The following PACRG variants were observed in gnomAD, a reference collection of about 807,000 sequenced individuals.
PACRG encodes parkin coregulated gene protein.
In PACRG, 29 loss-of-function variants were observed where a neutral mutation model predicts 29.7. The ratio of observed to expected loss-of-function variants is 0.98; its 90% CI spans 0.73 to 1.33. PACRG has a LOEUF of 1.33. Among genes scored for constraint, PACRG ranks in the 40% most tolerant of loss-of-function variants. The pLI is 0.00. For synonymous variants in PACRG, 116 were observed against 118.7 expected, an observed-to-expected ratio of 0.98 and a Z score of 0.15; for missense variants, 279 against 316.2, an observed-to-expected ratio of 0.88 and a Z score of 0.89.
chr6:163,111,867 T>C (rs1194503781), intron 4 of PACRG, among the ~76,000 whole-genome samples: 6 of 152,228 alleles, frequency 3.9e-5, no homozygotes, highest in Admixed American at 2.6e-4. Context: ...TCCTGGCACA[T>C]ATTGTGTAAA....
Position 162,907,102 on chromosome 6 carries a change from G to A in PACRG, c.291+92821G>A, listed in dbSNP as rs576149908. The stretch of plus-strand genomic sequence containing the variant: ...TCAAACTAAGTGTCATTATTGAAAA[G>A]CATTTTGTTCATATACCATGAGTTC... On this transcript the variant is annotated intron_variant, in intron 2 of 4. Coordinates refer to ENST00000366888, the MANE Select transcript of PACRG (RefSeq NM_001080379.2). Among the ~76,000 whole-genome samples, 132 of 152,198 alleles carry A rather than the reference G, an allele frequency of 8.7e-4. 2 individuals carry two copies. Among genetic ancestry groups the A allele is most frequent in the Middle Eastern group, 3.4e-3 (1 of 294 alleles).
intron 4 of PACRG, among the ~76,000 whole-genome samples, chr6:163,269,821 GAGA>G (rs1562349292): frequency 0.018 from 799 of 45,266 alleles, 67 homozygotes; most frequent in African/African-American, 0.063. Context: ...AGGAAGGAAG[GAGA>G]AAGAAAGAAA....
At chr6:162,981,149 T>G (rs1351980017) in intron 2 of PACRG, among the ~76,000 whole-genome samples, 1 of 152,048 alleles carries the variant, frequency 6.6e-6, no homozygotes, top group Non-Finnish European at 1.5e-5. Flanking sequence ...TGGTTTTCCA[T>G]TCCTGAATTA....
intron 2 of PACRG, among the ~76,000 whole-genome samples, chr6:162,855,197 TAGAGC>T (rs1791281454): frequency 6.6e-6 from 1 of 152,156 alleles, no homozygotes; most frequent in African/African-American, 2.4e-5. Context: ...TGACACCTGG[TAGAGC>T]TGTTGTAAGG....
intron 2 of PACRG, among the ~76,000 whole-genome samples, chr6:162,903,356 G>A (rs559040894): frequency 6.6e-6 from 1 of 152,210 alleles, no homozygotes; most frequent in East Asian, 1.9e-4. Context: ...TTTAATATTG[G>A]GGAATGTATT....
intron 4 of PACRG, among the ~76,000 whole-genome samples, chr6:163,142,462 AT>A (rs1777585576): frequency 6.6e-6 from 1 of 152,218 alleles, no homozygotes; most frequent in Non-Finnish European, 1.5e-5. Flanking sequence ...CATTAAAAAA[AT>A]GAATAAGTAA....
chr6:162,946,701 G>A (rs116648872), intron 2 of PACRG, among the ~76,000 whole-genome samples: 26 of 151,686 alleles, frequency 1.7e-4, no homozygotes, highest in African/African-American at 4.6e-4. Flanking sequence ...ACTACAGACC[G>A]GATGAACATA....
chr6:163,188,133 C>A (rs992254947), intron 4 of PACRG, among the ~76,000 whole-genome samples: 7 of 152,144 alleles, frequency 4.6e-5, no homozygotes, highest in Non-Finnish European at 1.0e-4. Context: ...GTGATCTGTG[C>A]AAATAGAGTC....
At chr6:163,271,430 C>G (rs1286579871) in intron 4 of PACRG, among the ~76,000 whole-genome samples, 1 of 152,140 alleles carries the variant, frequency 6.6e-6, no homozygotes, top group African/African-American at 2.4e-5. Context: ...TTCATTGCTT[C>G]TGGAAATTGA....
At chr6:162,996,482 A>T (rs1584965976) in intron 2 of PACRG, among the ~76,000 whole-genome samples, 1 of 152,176 alleles carries the variant, frequency 6.6e-6, no homozygotes, top group East Asian at 1.9e-4. Flanking sequence ...ATACACAAAG[A>T]TGCTCTAGGT....
chr6:162,868,548 C>T (rs1792508752), intron 2 of PACRG, among the ~76,000 whole-genome samples: 1 of 152,146 alleles, frequency 6.6e-6, no homozygotes, highest in African/African-American at 2.4e-5. Context: ...GGGACTCTGT[C>T]TGAGTGCCTG....
intron 2 of PACRG, among the ~76,000 whole-genome samples, chr6:162,895,183 T>C (rs2128047215): frequency 6.9e-6 from 1 of 144,008 alleles, no homozygotes; most frequent in African/African-American, 2.6e-5. Context: ...GAAGGGAAGA[T>C]GGCTTGAGCC....
chr6:163,087,897 T>C (rs1181513403), intron 3 of PACRG, among the ~76,000 whole-genome samples: 1 of 151,812 alleles, frequency 6.6e-6, no homozygotes, highest in Non-Finnish European at 1.5e-5. Context: ...GGAGTGTTGG[T>C]GAGGATGGAG....
intron 2 of PACRG, among the ~76,000 whole-genome samples, chr6:162,848,562 T>C (rs1392957061): frequency 1.3e-5 from 2 of 152,258 alleles, no homozygotes; most frequent in South Asian, 2.1e-4. Flanking sequence ...TAGAATTCTT[T>C]CCAGTTTTGA....
At chr6:163,222,496 CTTGAACCTGGAAGGCGGAGG>C (rs1241579346) in intron 4 of PACRG, among the ~76,000 whole-genome samples, 1 of 152,194 alleles carries the variant, frequency 6.6e-6, no homozygotes, top group African/African-American at 2.4e-5. Flanking sequence ...AGGAGAATCG[CTTGAACCTGGAAGGCGGAGG>C]TTGCGGTGAG....
At chr6:162,889,013 C>T (rs1205248066) in intron 2 of PACRG, among the ~76,000 whole-genome samples, 1 of 152,162 alleles carries the variant, frequency 6.6e-6, no homozygotes, top group Non-Finnish European at 1.5e-5. Context: ...TAGGCTCAAT[C>T]CCTCTGTGAC....
intron 4 of PACRG, among the ~76,000 whole-genome samples, chr6:163,132,927 A>G (rs1304595751): frequency 6.6e-6 from 1 of 152,206 alleles, no homozygotes; most frequent in Non-Finnish European, 1.5e-5. Flanking sequence ...GGAATTAGGG[A>G]GAGTAATTTC....
intron 4 of PACRG, among the ~76,000 whole-genome samples, chr6:163,299,842 A>G (rs1235335964): frequency 2.0e-5 from 3 of 152,128 alleles, no homozygotes; most frequent in African/African-American, 4.8e-5. Context: ...TGGCACCACT[A>G]CACTCCAGCC....
At chr6:162,894,450 T>G (rs1321241652) in intron 2 of PACRG, among the ~76,000 whole-genome samples, 1 of 152,184 alleles carries the variant, frequency 6.6e-6, no homozygotes, top group Non-Finnish European at 1.5e-5. Flanking sequence ...GATCACCAAA[T>G]TATATGGGGC....
Sources: gnomAD v4.1 joint callset for allele counts (sites outside exome capture counted in the v4.1 genomes callset) on GRCh38, gnomAD v4.1.1 for gene constraint, MANE v1.5 for transcripts, NCBI Gene and HGNC (gene_info 2026-07-23, HGNC 2026-07-21) for gene names.